The following TSC1 variants were observed in gnomAD, a reference collection of about 807,000 sequenced individuals.
TSC1 encodes hamartin.
TSC1 carries 20 observed loss-of-function variants against 124.3 expected under a neutral mutation model. The observed-to-expected ratio is 0.16, with a 90% CI of 0.11 to 0.23. The LOEUF (loss-of-function observed/expected upper bound fraction) is 0.23. TSC1 is among the 10% of genes least tolerant of loss of function. The pLI is 1.00. For missense variants in TSC1, 1,124 were observed against 1,448.5 expected (o/e 0.78, Z 3.64); for synonymous variants, 493 against 539.1 (o/e 0.91, Z 1.19).
chr9:132,901,782 G>A, intron 18 of TSC1, 83 bp from the exon 19 acceptor site: 2 of 1,232,736 alleles, frequency 1.6e-6, no homozygotes, highest in Non-Finnish European at 2.4e-6. Flanking sequence ...GCCCACAGAG[G>A]ACTGGGAATG....
chr9:132,899,877 T>G (rs960786625), intron 20 of TSC1: 1 of 152,222 alleles, frequency 6.6e-6, no homozygotes. Flanking sequence ...TTTCTCCCCC[T>G]TTCTGTTCCC....
rs1845453569 is a variant in TSC1 at position 132,902,745 on chromosome 9, T to G, written c.2251A>C (p.Lys751Gln). The change falls in exon 18 of 23, where the codon AAG (lysine) becomes CAG (glutamine). Residue 751 changes from lysine to glutamine, a missense_variant. Coordinates refer to ENST00000298552, the MANE Select transcript of TSC1 (RefSeq NM_000368.5). This position sits in a 1 kb window ranked among gnomAD's most constrained non-coding sequence, Gnocchi z 5.2. ...KLQEKDIQMW[K>Q]VSLQKEQARY... ...GCTTGTTCTTTCTGCAGACTAACCT[T>G]CCACATCTGGATGTCCTTCTCTTGT... The G allele has an allele frequency of 6.2e-7, 1 of 1,614,080 alleles. No individual in the cohort carries two copies. Among genetic ancestry groups the G allele is most frequent in the Non-Finnish European group, 8.5e-7 (1 of 1,180,054 alleles).
rs919177189 is a variant in TSC1 at position 132,903,814 on chromosome 9, G to C, written c.2045C>G (p.Ser682Cys). Residue 682 changes from serine (S) to cysteine (C), a missense_variant, in exon 17 of 23, where the codon TCT (serine) becomes TGT (cysteine). Coordinates refer to ENST00000298552, the MANE Select transcript of TSC1 (RefSeq NM_000368.5). This position sits in a 1 kb window ranked among gnomAD's most constrained non-coding sequence, Gnocchi z 5.9. ...KSVDWTHFGGSPPSDEIRTLR... is the reference protein window; with the variant it reads ...KSVDWTHFGGCPPSDEIRTLR... ...GGTGCGGATCTCATCTGAAGGAGGA[G>C]AGCCTGATTGTAAAGCAGAGGGAGG... The C allele has an allele frequency of 3.1e-6, 5 of 1,613,942 alleles. No homozygotes were observed. Among genetic ancestry groups the C allele is most frequent in the Non-Finnish European group, 4.2e-6 (5 of 1,180,032 alleles).
intron 9 of TSC1, among the ~76,000 whole-genome samples, chr9:132,912,056 C>T (rs1845994160): frequency 6.6e-6 from 1 of 152,148 alleles, no homozygotes; most frequent in Admixed American, 6.5e-5. Context: ...GACACGTCAC[C>T]AACTCTGTTG....
At chr9:132,911,700 TA>T (rs1449840105) in intron 9 of TSC1, 132 bp from the exon 10 acceptor site, 3 of 613,990 alleles carry the variant, frequency 4.9e-6, no homozygotes, top group African/African-American at 2.0e-5. Context: ...TCTCTGTACC[TA>T]AAAAATCTGA....
At chr9:132,916,765 A>G (rs1846288467) in intron 8 of TSC1, among the ~76,000 whole-genome samples, 1 of 152,180 alleles carries the variant, frequency 6.6e-6, no homozygotes, top group Admixed American at 6.5e-5. Context: ...CATCTTCCAG[A>G]AGAGCTCCCT....
rs768158324 is a variant in TSC1, at chr9:132,912,467, G to T, written c.738-10C>A. 11 of 1,613,958 alleles carry T rather than the reference G, an allele frequency of 6.8e-6. No homozygotes were observed. The highest frequency in any genetic ancestry group is 8.5e-6 in the Non-Finnish European group (10 of 1,180,000). On this transcript the variant is annotated splice_polypyrimidine_tract_variant and intron_variant, in intron 8 of 22. Coordinates refer to ENST00000298552, the MANE Select transcript of TSC1 (RefSeq NM_000368.5). ...TTCTAATCTCTTCCACCTGTAAAATGCAATGAAAGTCAAGAAATGCAAACT... is the reference window on the plus strand; with the variant it reads ...TTCTAATCTCTTCCACCTGTAAAATTCAATGAAAGTCAAGAAATGCAAACT...
rs1009312643 is a variant in TSC1, at chr9:132,906,217, CTGCCACA to C, written c.1439-85_1439-79del. On this transcript the variant is annotated intron_variant, in intron 14 of 22. Transcript: ENST00000298552. This position sits in a 1 kb window ranked among gnomAD's most constrained non-coding sequence, Gnocchi z 4.1. The stretch of plus-strand genomic sequence containing the variant: ...AAGACTAGGCAGTTTGGGTGGCATG[CTGCCACA>C]TGCCAGTGTCACTCAGAGAGAGGAG... 2.1e-6 allele frequency: 3 copies of C among 1,450,346 alleles called. No individual in the cohort carries two copies. In the African/African-American group the frequency reaches 4.2e-5, roughly 20 times the overall value. 89.8% of individuals were successfully genotyped at this position (1,450,346 alleles called of 1,614,324 possible). A position where few individuals can be genotyped will look rare whatever the true frequency, so the allele number is the denominator to read the frequency against.
At chr9:132,940,696 T>C (rs569017533) in intron 1 of TSC1, 1 of 152,318 alleles carries the variant, frequency 6.6e-6, no homozygotes, top group East Asian at 1.9e-4. Context: ...GTTAATGGGG[T>C]ATCAGACATG....
At chr9:132,938,703 C>G (rs1376420497) in intron 1 of TSC1, among the ~76,000 whole-genome samples, 4 of 152,174 alleles carry the variant, frequency 2.6e-5, no homozygotes, top group Admixed American at 2.6e-4. Flanking sequence ...TATCTCTGCC[C>G]TAGCCAAGAT....
intron 19 of TSC1, 31 bp downstream of exon 19, chr9:132,901,558 G>T (rs2131701398): frequency 6.4e-7 from 1 of 1,563,250 alleles, no homozygotes. Context: ...TGGTGTTTCA[G>T]CAGATTCAGG....
chr9:132,897,514 G>A lies in TSC1; in HGVS notation c.2722C>T (p.Arg908Trp), dbSNP rs748845915. The A allele has an allele frequency of 1.5e-5, 24 of 1,599,794 alleles. No individual in the cohort carries two copies. The highest frequency in any genetic ancestry group is 3.3e-5 in the South Asian group (3 of 90,564). ...QTQRLDTSQK[R>W]ILELESHLAK... is the part of the protein sequence containing the mutation. ...AGGTGAGATTCCAGTTCCAAAATCC[G>A]TTTTTGGGAGGTATCAAGCCTCTGA... is the stretch of plus-strand genomic sequence containing the variant. The change falls in exon 21 of 23, where the codon CGG becomes TGG. Residue 908 changes from arginine to tryptophan, a missense_variant. Arg to Trp is a moderately radical substitution (Grantham distance 101). This residue lies in a region of TSC1 where 325 missense variants were observed against 383.4 expected (regional missense o/e 0.85). Coordinates refer to ENST00000298552, the MANE Select transcript of TSC1 (RefSeq NM_000368.5).
Position 132,905,957 on chromosome 9 carries a change from C to A in TSC1, c.1621G>T (p.Asp541Tyr). ...TTTGGTGTGTCAGGCCCAAGCTTGTCCAGGGAGGAGTGTAAAGGCTCAGGG... is the reference window on the plus strand; with the variant it reads ...TTTGGTGTGTCAGGCCCAAGCTTGTACAGGGAGGAGTGTAAAGGCTCAGGG... ...VNPEPLHSSLDKLGPDTPKQA... is the reference protein window; with the variant it reads ...VNPEPLHSSLYKLGPDTPKQA... Residue 541 changes from aspartate to tyrosine, a missense_variant, in exon 15 of 23, where the codon GAC becomes TAC. Around this residue, in one of 5 missense-constraint regions of TSC1, gnomAD observed 321 missense variants for 397.4 expected, o/e 0.81. Transcript: ENST00000298552. 2 of 1,614,024 alleles carry A rather than the reference C, an allele frequency of 1.2e-6. No homozygotes were observed. Among genetic ancestry groups the A allele is most frequent in the Admixed American group, 1.7e-5 (1 of 60,024 alleles).
intron 8 of TSC1, among the ~76,000 whole-genome samples, chr9:132,913,120 T>C (rs1846056625): frequency 6.6e-6 from 1 of 152,060 alleles, no homozygotes; most frequent in African/African-American, 2.4e-5. Flanking sequence ...CTTACAGAAA[T>C]GGGGTCTCAC....
At position 132,938,071 on chromosome 9, in the gene TSC1, T is replaced by C. The variant is rs141314090; in HGVS notation, c.-143-2976A>G. ...TTAAGACTTTTAATTTCTTTATTAC[T>C]GCACTAAAAATGATAATGGTACTAA... On this transcript the variant is annotated intron_variant, in intron 1 of 22. Transcript: ENST00000298552. 5.0e-3 allele frequency among the ~76,000 whole-genome samples: 766 copies of C among 152,316 alleles called. 7 individuals are homozygous for C. Among genetic ancestry groups the C allele is most frequent in the African/African-American group, 0.015 (611 of 41,546 alleles).
In TSC1 at chr9:132,900,819, C is replaced by A. The variant is rs1343088775; in HGVS notation, c.2521G>T (p.Val841Phe). The change falls in exon 20 of 23, where the codon GTC becomes TTC. Residue 841 changes from valine to phenylalanine, a missense_variant. By Grantham distance (50) the Val-to-Phe change is conservative. Coordinates refer to ENST00000298552, the MANE Select transcript of TSC1 (RefSeq NM_000368.5). ...TTCAAGAACTCCATCTGCTGCTGGACCGACTCACTGTTTGAGAGCTAACCA... is the reference window on the plus strand; with the variant it reads ...TTCAAGAACTCCATCTGCTGCTGGAACGACTCACTGTTTGAGAGCTAACCA... ...VSQKLSNSES[V>F]QQQMEFLNRQ... is the part of the protein sequence containing the mutation. 12 of 1,614,112 alleles carry A rather than the reference C, an allele frequency of 7.4e-6. No homozygotes were observed. The highest frequency in any genetic ancestry group is 1.0e-5 in the Non-Finnish European group (12 of 1,180,002).
At position 132,896,052 on chromosome 9, in the gene TSC1, G is replaced by T; in HGVS notation, c.*183C>A. On this transcript the variant is annotated 3_prime_UTR_variant, in exon 23 of 23. Transcript: ENST00000298552. The surrounding 1 kb of genome is among the most constrained non-coding windows in gnomAD (Gnocchi z 4.5). ...GGGCGGGTGGAGGGGAAGGTCAAGA[G>T]GCATTTCAATGCCAGATCCAAAAAC... 1 of 819,642 alleles carries T rather than the reference G, an allele frequency of 1.2e-6. No individual in the cohort carries two copies. The highest frequency in any genetic ancestry group is 2.5e-5 in the East Asian group (1 of 39,910). The allele number at this position is 819,642 out of a possible 1,614,324, so 50.8% of individuals were successfully genotyped here.
intron 8 of TSC1, among the ~76,000 whole-genome samples, chr9:132,919,446 T>C (rs369711093): frequency 2.4e-4 from 37 of 152,272 alleles, no homozygotes; most frequent in African/African-American, 8.4e-4. Flanking sequence ...GAGAACTCCC[T>C]ACCAGCTCCC....
chr9:132,906,722 A>G lies in TSC1; in HGVS notation c.1438+9T>C, dbSNP rs545683093. The stretch of plus-strand genomic sequence containing the variant: ...TTTTATCAACTCATAGCAATCCCAC[A>G]TACATTACCTTCTTCTTTATCTTTT... On this transcript the variant is annotated intron_variant, in intron 14 of 22. Coordinates refer to ENST00000298552, the MANE Select transcript of TSC1 (RefSeq NM_000368.5). The surrounding 1 kb of genome is among the most constrained non-coding windows in gnomAD (Gnocchi z 4.1). The G allele has an allele frequency of 2.5e-6, 4 of 1,610,430 alleles. No individual in the cohort carries two copies. The highest frequency in any genetic ancestry group is 2.7e-5 in the African/African-American group (2 of 74,994).
Sources: gnomAD v4.1 joint callset for allele counts (sites outside exome capture counted in the v4.1 genomes callset) on GRCh38, gnomAD v4.1.1 for gene constraint, gnomAD v4.1.1 regional missense constraint, Gnocchi (gnomAD v3.1) non-coding constraint, MANE v1.5 for transcripts, NCBI Gene and HGNC (gene_info 2026-07-23, HGNC 2026-07-21) for gene names.